Variants in ADGRL3 observed in about 807,000 individuals in gnomAD.
The protein encoded by ADGRL3 is calcium-independent alpha-latrotoxin receptor 3.
In ADGRL3, 62 loss-of-function variants were observed where a neutral mutation model predicts 153.5. That is an observed-to-expected ratio of 0.40 (90% CI 0.33 to 0.50). The LOEUF is 0.50. Among genes scored for constraint, ADGRL3 ranks in the 20% least tolerant of loss-of-function variants. ADGRL3 has a pLI of 0.47. For missense variants in ADGRL3, 1,641 were observed against 1,859.4 expected, an observed-to-expected ratio of 0.88 and a Z score of 2.16; for synonymous variants, 710 against 672.5, an observed-to-expected ratio of 1.06 and a Z score of -0.86.
At chr4:61,920,605 A>T (rs2098764165) in intron 13 of ADGRL3, among the ~76,000 whole-genome samples, 3 of 152,198 alleles carry the variant, frequency 2.0e-5, no homozygotes, top group Admixed American at 2.0e-4. Flanking sequence ...GTCCAAGATT[A>T]GCTTGGAAAC....
rs1396183357 is a variant in ADGRL3, at chr4:61,931,694, T to A, written c.2113-3146T>A. Among the ~76,000 whole-genome samples, 3 of 152,306 alleles carry A rather than the reference T, an allele frequency of 2.0e-5. No homozygotes were observed. The East Asian group carries it at 5.8e-4, about 29-fold the overall frequency. On this transcript the variant is annotated intron_variant, in intron 13 of 26. Coordinates refer to ENST00000683033, the MANE Select transcript of ADGRL3 (RefSeq NM_001387552.1). ...TTAAATAAATGTTAAATTGGTGTCA[T>A]AACTCACCAAATTCTAGGTTTGGGG...
chr4:61,271,355 G>A (rs1373420323), intron 1 of ADGRL3, among the ~76,000 whole-genome samples: 1 of 151,918 alleles, frequency 6.6e-6, no homozygotes, highest in Non-Finnish European at 1.5e-5. Flanking sequence ...CTCCCCTAGA[G>A]CTATTTGTGG....
At chr4:61,558,066 A>G (rs1353220452) in intron 4 of ADGRL3, among the ~76,000 whole-genome samples, 1 of 149,366 alleles carries the variant, frequency 6.7e-6, no homozygotes, top group Non-Finnish European at 1.5e-5. Flanking sequence ...TAGTAGCTCT[A>G]CTGAGTTAGT....
chr4:61,916,294 T>C (rs2149903064), intron 13 of ADGRL3, among the ~76,000 whole-genome samples: 1 of 152,330 alleles, frequency 6.6e-6, no homozygotes, highest in South Asian at 2.1e-4. Context: ...TAGATTTGTG[T>C]TGAGAATCAC....
intron 19 of ADGRL3, among the ~76,000 whole-genome samples, chr4:61,984,266 C>A (rs1263371536): frequency 2.6e-5 from 4 of 152,048 alleles, no homozygotes; most frequent in Non-Finnish European, 5.9e-5. Context: ...CCAAGATAGA[C>A]CTCTGATGAA....
chr4:62,051,062 G>A (rs1205195683), intron 25 of ADGRL3, among the ~76,000 whole-genome samples: 11 of 149,592 alleles, frequency 7.4e-5, no homozygotes, highest in African/African-American at 9.8e-5. Context: ...AGGCAACAGC[G>A]TTCTGTGTGT....
intron 1 of ADGRL3, among the ~76,000 whole-genome samples, chr4:61,338,496 T>G (rs2095734722): frequency 6.6e-6 from 1 of 152,060 alleles, no homozygotes; most frequent in Admixed American, 6.6e-5. Context: ...AATAAACATT[T>G]AATTTCTGTG....
At chr4:61,680,686 T>A (rs2095316746) in intron 6 of ADGRL3, among the ~76,000 whole-genome samples, 1 of 151,968 alleles carries the variant, frequency 6.6e-6, no homozygotes, top group African/African-American at 2.4e-5. Context: ...TTTAGAGGAA[T>A]CTTAGCTTGA....
intron 5 of ADGRL3, among the ~76,000 whole-genome samples, chr4:61,643,780 G>A (rs1394884625): frequency 6.9e-6 from 1 of 144,232 alleles, no homozygotes; most frequent in Non-Finnish European, 1.5e-5. Flanking sequence ...CCCGGCTTTG[G>A]TATCAGGATG....
At chr4:61,249,980 A>G (rs555995798) in intron 1 of ADGRL3, among the ~76,000 whole-genome samples, 277 of 152,262 alleles carry the variant, frequency 1.8e-3, no homozygotes, top group African/African-American at 6.0e-3. Flanking sequence ...GACTCTTATG[A>G]TGATCCACAT....
rs568637810 is a variant in ADGRL3 at position 61,643,206 on chromosome 4, T to C, written c.474-33620T>C. Among the ~76,000 whole-genome samples the C allele has an allele frequency of 4.5e-3, 680 of 152,168 alleles. 6 individuals carry two copies. Among genetic ancestry groups the C allele is most frequent in the African/African-American group, 0.015 (642 of 41,494 alleles). ...ATTTTGGGCTGAGACAATGGGGTTTTCTAGATATACAATCATGTTGTCTGC... is the reference window on the plus strand; with the variant it reads ...ATTTTGGGCTGAGACAATGGGGTTTCCTAGATATACAATCATGTTGTCTGC... On this transcript the variant is annotated intron_variant, in intron 5 of 26. Coordinates refer to ENST00000683033, the MANE Select transcript of ADGRL3 (RefSeq NM_001387552.1).
At chr4:61,670,621 A>T (rs1033590469) in intron 5 of ADGRL3, among the ~76,000 whole-genome samples, 4 of 152,092 alleles carry the variant, frequency 2.6e-5, no homozygotes, top group African/African-American at 9.7e-5. Context: ...GCAGAGTGGG[A>T]TTTATTAAGT....
chr4:62,065,842 G>A (rs1407906233), intron 25 of ADGRL3, among the ~76,000 whole-genome samples: 1 of 151,878 alleles, frequency 6.6e-6, no homozygotes, highest in Non-Finnish European at 1.5e-5. Flanking sequence ...CTATCAAACT[G>A]CAGTTCTCAC....
intron 8 of ADGRL3, among the ~76,000 whole-genome samples, chr4:61,793,292 C>T (rs1350887654): frequency 1.1e-4 from 16 of 152,108 alleles, no homozygotes; most frequent in African/African-American, 1.9e-4. Flanking sequence ...GTTGTGGCGG[C>T]GGGCGCCTGT....
At chr4:61,257,836 G>GGTGTGT (rs10635406) in intron 1 of ADGRL3, among the ~76,000 whole-genome samples, 2,590 of 150,610 alleles carry the variant, frequency 0.017, 32 homozygotes, top group African/African-American at 0.025. Context: ...TTGAATTAGA[G>GGTGTGT]GTGTGTGTGT....
At chr4:61,548,460 TGGTGTAGTTAAA>T (rs1276035777) in intron 4 of ADGRL3, among the ~76,000 whole-genome samples, 1 of 152,032 alleles carries the variant, frequency 6.6e-6, no homozygotes, top group Non-Finnish European at 1.5e-5. Context: ...TTTTTGCATA[TGGTGTAGTTAAA>T]GGTCCAATGT....
intron 6 of ADGRL3, among the ~76,000 whole-genome samples, chr4:61,692,718 A>C (rs976590667): frequency 6.6e-6 from 1 of 152,142 alleles, no homozygotes; most frequent in Non-Finnish European, 1.5e-5. Flanking sequence ...GCTTGGAGGC[A>C]TAAGCCACCA....
intron 1 of ADGRL3, among the ~76,000 whole-genome samples, chr4:61,378,378 C>A (rs1369716390): frequency 6.6e-6 from 1 of 151,950 alleles, no homozygotes; most frequent in African/African-American, 2.4e-5. Flanking sequence ...AATGGAGTAC[C>A]CTTTCTTGGG....
At chr4:61,936,623 A>C (rs2150161595) in intron 15 of ADGRL3, among the ~76,000 whole-genome samples, 1 of 152,198 alleles carries the variant, frequency 6.6e-6, no homozygotes, top group African/African-American at 2.4e-5. Flanking sequence ...ACTAATATTA[A>C]AAAATGTTTA....
Sources: gnomAD v4.1 joint callset for allele counts (sites outside exome capture counted in the v4.1 genomes callset) on GRCh38, gnomAD v4.1.1 for gene constraint, MANE v1.5 for transcripts, NCBI Gene and HGNC (gene_info 2026-07-23, HGNC 2026-07-21) for gene names.